Variants in FBN2 observed in about 807,000 individuals in gnomAD.
The protein encoded by FBN2 is fibrillin 2.
In FBN2, 105 loss-of-function variants were observed where a neutral mutation model predicts 355.6. The ratio of observed to expected loss-of-function variants is 0.30; its 90% CI spans 0.25 to 0.35. FBN2 has a LOEUF of 0.35. FBN2 is among the 10% of genes least tolerant of loss of function. FBN2 has a pLI of 1.00. For synonymous variants in FBN2, 1,350 were observed against 1,301.2 expected (o/e 1.04, Z -0.81); for missense variants, 3,280 against 3,758.7 (o/e 0.87, Z 3.33).
At chr5:128,390,266 C>CT (rs1478141337) in intron 11 of FBN2, among the ~76,000 whole-genome samples, 1 of 152,166 alleles carries the variant, frequency 6.6e-6, no homozygotes, top group Non-Finnish European at 1.5e-5. Context: ...GTTGGGGACT[C>CT]TTTATAGCAG....
At chr5:128,322,245 T>C (rs1290130542) in intron 34 of FBN2, among the ~76,000 whole-genome samples, 4 of 152,182 alleles carry the variant, frequency 2.6e-5, no homozygotes, top group African/African-American at 9.6e-5. Context: ...GCCTGTTCAC[T>C]CTGATGATAG....
At chr5:128,439,605 G>C (rs1288515238) in intron 7 of FBN2, among the ~76,000 whole-genome samples, 2 of 151,928 alleles carry the variant, frequency 1.3e-5, no homozygotes, top group Non-Finnish European at 2.9e-5. Context: ...CTGATTTGTG[G>C]AATCTCTTTG....
chr5:128,280,929 A>T (rs1765523515), intron 55 of FBN2, among the ~76,000 whole-genome samples: 1 of 152,026 alleles, frequency 6.6e-6, no homozygotes, highest in Non-Finnish European at 1.5e-5. Flanking sequence ...TGCTTTTTTG[A>T]TATTTTGTAA....
At position 128,278,763 on chromosome 5, in the gene FBN2, G is replaced by A; in HGVS notation, c.7217C>T (p.Thr2406Ile). ...QMASSSRNLVTKSECCCDGGR... is the reference protein window; with the variant it reads ...QMASSSRNLVIKSECCCDGGR... ...ACCATCACAGCAGCATTCTGACTTAGTGACGAGATTGCGACTACTGGATGC... is the reference window on the plus strand; with the variant it reads ...ACCATCACAGCAGCATTCTGACTTAATGACGAGATTGCGACTACTGGATGC... Residue 2406 changes from threonine (T) to isoleucine (I), a missense_variant, in exon 57 of 65, where the codon ACT (threonine) becomes ATT (isoleucine). This residue lies in a region of FBN2 where 2,284 missense variants were observed against 2,749.5 expected (regional missense o/e 0.83). Transcript: ENST00000262464. 1.2e-6 allele frequency: 2 copies of A among 1,614,116 alleles called. No individual in the cohort carries two copies. Among genetic ancestry groups the A allele is most frequent in the Non-Finnish European group, 1.7e-6 (2 of 1,179,996 alleles).
At chr5:128,431,777 T>C (rs1162748926) in intron 7 of FBN2, among the ~76,000 whole-genome samples, 1 of 152,212 alleles carries the variant, frequency 6.6e-6, no homozygotes, top group Non-Finnish European at 1.5e-5. Flanking sequence ...ACAGTGAATC[T>C]GATAACTGAG....
intron 34 of FBN2, among the ~76,000 whole-genome samples, chr5:128,325,091 T>C (rs1305007198): frequency 6.6e-6 from 1 of 152,182 alleles, no homozygotes; most frequent in African/African-American, 2.4e-5. Flanking sequence ...TTTTGTTGAT[T>C]TGGGGTGGAG....
intron 49 of FBN2, among the ~76,000 whole-genome samples, chr5:128,291,175 TAAGAAAAACAATC>T (rs1233884644): frequency 6.6e-6 from 1 of 152,118 alleles, no homozygotes; most frequent in Non-Finnish European, 1.5e-5. Flanking sequence ...CATGATAGTC[TAAGAAAAACAATC>T]AAGGTAACTT....
At chr5:128,528,437 G>A (rs1756622886) in intron 3 of FBN2, among the ~76,000 whole-genome samples, 1 of 152,162 alleles carries the variant, frequency 6.6e-6, no homozygotes, top group African/African-American at 2.4e-5. Flanking sequence ...GAAGTAAACT[G>A]TTGTGAAGGA....
chr5:128,381,825 G>C (rs568051611), intron 11 of FBN2, among the ~76,000 whole-genome samples: 2 of 152,068 alleles, frequency 1.3e-5, no homozygotes, highest in Non-Finnish European at 2.9e-5. Context: ...CACTTATATA[G>C]ACTCTTTGAA....
At chr5:128,520,530 G>C (rs1285860659) in intron 4 of FBN2, among the ~76,000 whole-genome samples, 1 of 152,040 alleles carries the variant, frequency 6.6e-6, no homozygotes, top group East Asian at 1.9e-4. Flanking sequence ...ATCATAAAAT[G>C]GGAAACTCAA....
At chr5:128,361,522 T>G (rs1751637242) in intron 19 of FBN2, among the ~76,000 whole-genome samples, 1 of 152,244 alleles carries the variant, frequency 6.6e-6, no homozygotes, top group African/African-American at 2.4e-5. Context: ...ATATTTTGTC[T>G]GAGTGGAACA....
chr5:128,311,981 T>C, intron 37 of FBN2, 28 bp from the exon 38 acceptor site: 1 of 1,488,702 alleles, frequency 6.7e-7, no homozygotes. Flanking sequence ...AATAAGAGGT[T>C]TGATACCTGT....
At chr5:128,450,441 G>A (rs1477129102) in intron 6 of FBN2, among the ~76,000 whole-genome samples, 3 of 151,828 alleles carry the variant, frequency 2.0e-5, no homozygotes, top group Non-Finnish European at 2.9e-5. Flanking sequence ...ACAATGCACA[G>A]GTCAAAGAAA....
chr5:128,314,953 T>C (rs1750161446), intron 36 of FBN2, among the ~76,000 whole-genome samples: 1 of 152,068 alleles, frequency 6.6e-6, no homozygotes, highest in Non-Finnish European at 1.5e-5. Flanking sequence ...GTTTCTAAAA[T>C]CCTGCCACCA....
At chr5:128,322,560 G>C (rs1388186077) in intron 34 of FBN2, among the ~76,000 whole-genome samples, 1 of 151,976 alleles carries the variant, frequency 6.6e-6, no homozygotes, top group Non-Finnish European at 1.5e-5. Flanking sequence ...CCCATTGCTT[G>C]TTTTTTTCAG....
intron 8 of FBN2, among the ~76,000 whole-genome samples, chr5:128,404,903 G>A (rs1752886911): frequency 6.6e-6 from 1 of 152,224 alleles, no homozygotes; most frequent in African/African-American, 2.4e-5. Flanking sequence ...CAGAGGTCAT[G>A]GCTCATGCCT....
intron 34 of FBN2, among the ~76,000 whole-genome samples, chr5:128,325,376 C>G (rs1750516283): frequency 6.6e-6 from 1 of 152,186 alleles, no homozygotes; most frequent in African/African-American, 2.4e-5. Flanking sequence ...TTCTTTGTCT[C>G]TTTTGATCTC....
chr5:128,521,175 A>G (rs960952143), intron 4 of FBN2, among the ~76,000 whole-genome samples: 2 of 152,240 alleles, frequency 1.3e-5, no homozygotes, highest in Non-Finnish European at 2.9e-5. Flanking sequence ...ACCATGGAAT[A>G]CTATCCAGCC....
At chr5:128,478,623 T>C (rs1294349408) in intron 5 of FBN2, among the ~76,000 whole-genome samples, 1 of 152,204 alleles carries the variant, frequency 6.6e-6, no homozygotes, top group South Asian at 2.1e-4. Flanking sequence ...GAATCTGATA[T>C]GTCAAGGTCT....
Sources: gnomAD v4.1 joint callset for allele counts (sites outside exome capture counted in the v4.1 genomes callset) on GRCh38, gnomAD v4.1.1 for gene constraint, gnomAD v4.1.1 regional missense constraint, MANE v1.5 for transcripts, NCBI Gene and HGNC (gene_info 2026-07-23, HGNC 2026-07-21) for gene names.